Variants in FHOD3 observed in about 807,000 individuals in gnomAD.
FHOD3 encodes the protein formin homology 2 domain containing 3.
In FHOD3, 90 loss-of-function variants were observed where a neutral mutation model predicts 173.0. The observed-to-expected ratio is 0.52, with a 90% CI of 0.44 to 0.62. FHOD3 has a LOEUF of 0.62. Among genes scored for constraint, FHOD3 ranks in the 20% least tolerant of loss-of-function variants. The pLI, the probability that FHOD3 is intolerant of heterozygous loss-of-function variation, is 0.00. For synonymous variants in FHOD3, 828 were observed against 823.0 expected (o/e 1.01, Z -0.10); for missense variants, 1,945 against 2,034.7 (o/e 0.96, Z 0.85).
intron 28 of FHOD3, chr18:36,777,986 G>T (rs1436056387): frequency 6.6e-6 from 1 of 152,138 alleles, no homozygotes; most frequent in Non-Finnish European, 1.5e-5. Context: ...GCACACAATG[G>T]GTTCTCAATA....
intron 28 of FHOD3, chr18:36,777,621 A>G (rs1383158685): frequency 6.6e-6 from 1 of 152,182 alleles, no homozygotes; most frequent in Non-Finnish European, 1.5e-5. Flanking sequence ...CAAACACTCT[A>G]AGGAGTCTTT....
intron 28 of FHOD3, among the ~76,000 whole-genome samples, chr18:36,771,178 T>G (rs955274957): frequency 2.0e-5 from 3 of 152,160 alleles, no homozygotes. Context: ...GAATTGCAGA[T>G]TTATGGGCCC....
chr18:36,379,749 C>T (rs2047640512), intron 3 of FHOD3, among the ~76,000 whole-genome samples: 1 of 152,208 alleles, frequency 6.6e-6, no homozygotes, highest in Non-Finnish European at 1.5e-5. Flanking sequence ...TAAATACTTT[C>T]CTTTCACAAG....
At chr18:36,591,949 T>C (rs1347911647) in intron 6 of FHOD3, among the ~76,000 whole-genome samples, 3 of 152,002 alleles carry the variant, frequency 2.0e-5, no homozygotes, top group Non-Finnish European at 2.9e-5. Flanking sequence ...CTGGGCACGA[T>C]GGCTCATGCC....
In FHOD3 at chr18:36,737,877, T is replaced by G. The variant is rs893910648; in HGVS notation, c.3577-2779T>G. 3.3e-5 allele frequency among the ~76,000 whole-genome samples: 5 copies of G among 152,214 alleles called. No individual in the cohort carries two copies. In the South Asian group the frequency reaches 1.0e-3, roughly 32 times the overall value. On this transcript the variant is annotated intron_variant, in intron 20 of 28. Coordinates refer to ENST00000590592, the MANE Select transcript of FHOD3 (RefSeq NM_001281740.3). ...AACTAATATAGAGTGCAGTCGACTTTTTGGTATATGGTTCTCTTGAGTTTT... is the reference window on the plus strand; with the variant it reads ...AACTAATATAGAGTGCAGTCGACTTGTTGGTATATGGTTCTCTTGAGTTTT...
chr18:36,538,535 C>G (rs759802999), intron 5 of FHOD3, among the ~76,000 whole-genome samples: 37 of 152,202 alleles, frequency 2.4e-4, no homozygotes, highest in Admixed American at 1.2e-3. Context: ...GGACTCTATA[C>G]ATATAACTTT....
intron 24 of FHOD3, among the ~76,000 whole-genome samples, chr18:36,753,139 A>G (rs2042476786): frequency 6.6e-6 from 1 of 152,134 alleles, no homozygotes; most frequent in Non-Finnish European, 1.5e-5. Flanking sequence ...AAAACATTCT[A>G]CACATGGGGA....
chr18:36,421,075 C>T (rs1481547519), intron 3 of FHOD3, among the ~76,000 whole-genome samples: 1 of 152,196 alleles, frequency 6.6e-6, no homozygotes, highest in Non-Finnish European at 1.5e-5. Context: ...TTAGAATTGG[C>T]ACTCGGGTGC....
chr18:36,323,202 A>T (rs1020223081), intron 1 of FHOD3, among the ~76,000 whole-genome samples: 1 of 152,254 alleles, frequency 6.6e-6, no homozygotes, highest in Non-Finnish European at 1.5e-5. Flanking sequence ...TCTGTGTGTT[A>T]TGTCAGGGCT....
chr18:36,480,359 G>GAGAT (rs2053817383), intron 3 of FHOD3, among the ~76,000 whole-genome samples: 1 of 152,208 alleles, frequency 6.6e-6, no homozygotes, highest in Non-Finnish European at 1.5e-5. Flanking sequence ...CACATACAGG[G>GAGAT]AGATGGTCAT....
Position 36,649,021 on chromosome 18 carries a change from G to C in FHOD3, c.1197-295G>C, listed in dbSNP as rs74945738. 8.8e-3 allele frequency among the ~76,000 whole-genome samples: 1,346 copies of C among 152,222 alleles called. 23 individuals carry two copies. Among genetic ancestry groups the C allele is most frequent in the African/African-American group, 0.03 (1,253 of 41,530 alleles). On this transcript the variant is annotated intron_variant, in intron 10 of 28. Transcript: ENST00000590592. The stretch of plus-strand genomic sequence containing the variant: ...AGAAGCTTCTGTGAATTGCATGTAG[G>C]GGGTGCAGGGTAGTGGCATCTAGCC...
Position 36,554,605 on chromosome 18 carries a change from C to T in FHOD3, c.512-21846C>T, listed in dbSNP as rs578154415. Among the ~76,000 whole-genome samples, 20 of 152,214 alleles carry T rather than the reference C, an allele frequency of 1.3e-4. No homozygotes were observed. The East Asian group carries it at 2.7e-3, about 21-fold the overall frequency. ...CTATGTAACAAACCTGCACGTTGTG[C>T]ACATGTACCCTAGAACTTGAAGTAT... On this transcript the variant is annotated intron_variant, in intron 5 of 28. Transcript: ENST00000590592.
chr18:36,318,352 A>G (rs1040073365), intron 1 of FHOD3, among the ~76,000 whole-genome samples: 1 of 152,170 alleles, frequency 6.6e-6, no homozygotes, highest in Non-Finnish European at 1.5e-5. Context: ...TTCTTCCTAT[A>G]CATGAGCATG....
intron 14 of FHOD3, among the ~76,000 whole-genome samples, chr18:36,667,837 C>G (rs535097488): frequency 1.3e-5 from 2 of 152,248 alleles, no homozygotes; most frequent in East Asian, 1.9e-4. Flanking sequence ...TATAACATCA[C>G]TAGGTGATAG....
intron 5 of FHOD3, among the ~76,000 whole-genome samples, chr18:36,562,406 G>A (rs934305230): frequency 2.0e-5 from 3 of 152,104 alleles, no homozygotes; most frequent in African/African-American, 7.2e-5. Flanking sequence ...AGAAAGTAAG[G>A]GACTGTCTTG....
Position 36,366,335 on chromosome 18 carries a change from CATT to C in FHOD3, c.273-6343_273-6341del, listed in dbSNP as rs544294557. ...CATACAGAAAGTGAGAATATTCAGA[CATT>C]AAGACAAATGGAACGAGGGAGAGAA... On this transcript the variant is annotated intron_variant, in intron 2 of 28. Transcript: ENST00000590592. Among the ~76,000 whole-genome samples, 447 of 152,226 alleles carry C rather than the reference CATT, an allele frequency of 2.9e-3. 4 individuals are homozygous for C. Among genetic ancestry groups the C allele is most frequent in the Admixed American group, 0.021 (317 of 15,292 alleles).
chr18:36,529,741 A>G (rs1268854204), intron 5 of FHOD3, among the ~76,000 whole-genome samples: 4 of 152,174 alleles, frequency 2.6e-5, no homozygotes, highest in African/African-American at 9.7e-5. Flanking sequence ...CAGAGGTTGC[A>G]GTGAGCTGAG....
chr18:36,481,367 A>G (rs1176438054), intron 3 of FHOD3, among the ~76,000 whole-genome samples: 4 of 151,988 alleles, frequency 2.6e-5, no homozygotes, highest in African/African-American at 7.2e-5. Context: ...AAAGAAAGGG[A>G]GTATTACCAT....
chr18:36,329,977 A>G (rs2044899829), intron 1 of FHOD3, among the ~76,000 whole-genome samples: 1 of 152,182 alleles, frequency 6.6e-6, no homozygotes, highest in Admixed American at 6.5e-5. Flanking sequence ...GAATGCAGTG[A>G]TTGATGAGTC....
Sources: allele counts gnomAD v4.1 joint callset (sites outside exome capture counted in the v4.1 genomes callset), GRCh38; gene constraint gnomAD v4.1.1; transcripts MANE v1.5; gene names NCBI Gene and HGNC (gene_info 2026-07-23, HGNC 2026-07-21).